RGS6: variants seen among roughly 807,000 people sequenced by gnomAD.
RGS6 encodes regulator of G protein signaling 6.
RGS6 carries 30 observed loss-of-function variants against 78.5 expected under a neutral mutation model. The ratio of observed to expected loss-of-function variants is 0.38; its 90% confidence interval spans 0.29 to 0.52. The LOEUF (loss-of-function observed/expected upper bound fraction) is 0.52, where lower values mean the gene tolerates loss of function less well. Ranked by LOEUF, RGS6 falls within the 20% of genes least tolerant of loss-of-function variation. The pLI is 0.85. For missense variants in RGS6, 495 were observed against 609.7 expected (o/e 0.81, Z 1.98); for synonymous variants, 206 against 206.0 (o/e 1.00, Z 0.00).
chr14:72,084,699 C>T (rs1220707614), intron 2 of RGS6, among the ~76,000 whole-genome samples: 1 of 151,672 alleles, frequency 6.6e-6, no homozygotes, highest in African/African-American at 2.4e-5. Context: ...GGTGAAATCT[C>T]TCAGGCCTGC....
chr14:72,126,683 C>T (rs1256512354), intron 2 of RGS6, among the ~76,000 whole-genome samples: 1 of 152,194 alleles, frequency 6.6e-6, no homozygotes, highest in Non-Finnish European at 1.5e-5. Context: ...TTGCATGTGG[C>T]TATCTTTACA....
chr14:71,889,795 G>A, the RGS6 span, among the ~76,000 whole-genome samples: 1 of 152,144 alleles, frequency 6.6e-6, no homozygotes, highest in Admixed American at 6.5e-5. Context: ...GATCTTGGGG[G>A]CAGGCGTCTC....
chr14:72,013,144 G>A (rs11844049), intron 2 of RGS6, among the ~76,000 whole-genome samples: 113,849 of 151,114 alleles, frequency 0.75, 43,874 homozygotes, highest in South Asian at 0.88. Flanking sequence ...GGTGGTACGT[G>A]CCTGTAATGC....
intron 14 of RGS6, among the ~76,000 whole-genome samples, chr14:72,512,736 G>A (rs576289082): frequency 7.9e-5 from 12 of 152,380 alleles, no homozygotes; most frequent in Admixed American, 1.3e-4. Context: ...GGGTGAGAGA[G>A]AAGCTCAGTC....
intron 2 of RGS6, among the ~76,000 whole-genome samples, chr14:72,104,759 G>C (rs2095599081): frequency 6.6e-6 from 1 of 152,142 alleles, no homozygotes; most frequent in African/African-American, 2.4e-5. Context: ...GTTTAACTTA[G>C]TGCTCTCAAA....
chr14:71,870,567 C>A, the RGS6 span, among the ~76,000 whole-genome samples: 2 of 152,148 alleles, frequency 1.3e-5, no homozygotes, highest in East Asian at 3.9e-4. Context: ...AGGAATGAGG[C>A]GTTTCCACAG....
At chr14:72,599,201 A>C in the RGS6 span, among the ~76,000 whole-genome samples, 5 of 152,082 alleles carry the variant, frequency 3.3e-5, no homozygotes, top group African/African-American at 1.2e-4. Context: ...AACACTACTC[A>C]GTAAAAGTGG....
At chr14:72,516,378 C>T (rs887257848) in intron 14 of RGS6, among the ~76,000 whole-genome samples, 1 of 152,174 alleles carries the variant, frequency 6.6e-6, no homozygotes, top group African/African-American at 2.4e-5. Flanking sequence ...CAAGGGCCCA[C>T]CTGAACAATG....
chr14:72,439,559 C>T (rs2153198703), intron 3 of RGS6, among the ~76,000 whole-genome samples: 1 of 152,340 alleles, frequency 6.6e-6, no homozygotes, highest in East Asian at 1.9e-4. Context: ...AAGCTTAGCT[C>T]TACAAGGCTA....
chr14:72,164,225 A>T (rs2096893450), intron 2 of RGS6, among the ~76,000 whole-genome samples: 1 of 152,178 alleles, frequency 6.6e-6, no homozygotes, highest in Non-Finnish European at 1.5e-5. Flanking sequence ...CTCAAGGAGA[A>T]CCCAGGAGAG....
Position 72,536,213 on chromosome 14 carries a change from G to T in RGS6, c.1306G>T (p.Asp436Tyr). 1 of 1,613,812 alleles carries T rather than the reference G, an allele frequency of 6.2e-7. No individual in the cohort carries two copies. Among genetic ancestry groups the T allele is most frequent in the South Asian group, 1.1e-5 (1 of 91,052 alleles). The change falls in exon 16 of 18, where the codon GAC (aspartate) becomes TAC (tyrosine). Residue 436 changes from aspartate to tyrosine, a missense_variant. Coordinates refer to ENST00000553525, the MANE Select transcript of RGS6 (RefSeq NM_001204424.2). ...GCACATCTACAAGCTGATGAAGAGT[G>T]ACAGCTATGCCCGCTTCCTCCGGTC... is the stretch of plus-strand genomic sequence containing the variant. ...QEHIYKLMKS[D>Y]SYARFLRSNA...
intron 2 of RGS6, among the ~76,000 whole-genome samples, chr14:71,981,406 G>C (rs1304218131): frequency 6.6e-6 from 1 of 152,142 alleles, no homozygotes. Flanking sequence ...TCTGCTTTTG[G>C]TGTTTGATGA....
In RGS6 at chr14:72,307,541, A is replaced by G. The variant is rs117876274; in HGVS notation, c.85-44554A>G. ...GACAATAATTCTTTTTTCCATTAAC[A>G]TACAATGTCATATTTATCAAATACT... On this transcript the variant is annotated intron_variant, in intron 2 of 17. Transcript: ENST00000553525. Among the ~76,000 whole-genome samples, 605 of 152,304 alleles carry G rather than the reference A, an allele frequency of 4.0e-3. 3 individuals are homozygous for G. The highest frequency in any genetic ancestry group is 7.6e-3 in the Non-Finnish European group (519 of 68,024).
At chr14:71,965,630 G>C (rs1007976661) in intron 2 of RGS6, among the ~76,000 whole-genome samples, 1 of 152,206 alleles carries the variant, frequency 6.6e-6, no homozygotes, top group Non-Finnish European at 1.5e-5. Context: ...CCAGATGTTA[G>C]TGTTGAATTA....
intron 3 of RGS6, among the ~76,000 whole-genome samples, chr14:72,352,445 C>A (rs781661322): frequency 3.3e-5 from 5 of 152,122 alleles, no homozygotes; most frequent in Non-Finnish European, 4.4e-5. Flanking sequence ...AATAAATAAA[C>A]CCATTAATAA....
At chr14:72,338,303 G>A (rs902435313) in intron 2 of RGS6, among the ~76,000 whole-genome samples, 3 of 152,204 alleles carry the variant, frequency 2.0e-5, no homozygotes, top group Non-Finnish European at 4.4e-5. Context: ...CACAATCATG[G>A]CAGAAGGCGA....
At chr14:72,047,826 A>C (rs2092963176) in intron 2 of RGS6, among the ~76,000 whole-genome samples, 1 of 151,422 alleles carries the variant, frequency 6.6e-6, no homozygotes, top group Non-Finnish European at 1.5e-5. Context: ...CCCGAGTTCA[A>C]GTGATTCTCA....
At chr14:72,377,030 G>A (rs760059470) in intron 3 of RGS6, among the ~76,000 whole-genome samples, 4 of 152,038 alleles carry the variant, frequency 2.6e-5, no homozygotes, top group East Asian at 1.9e-4. Context: ...AAAAGAAATC[G>A]ATAGGATGAT....
intron 17 of RGS6, chr14:72,547,201 G>A: frequency 1.3e-6 from 2 of 1,535,392 alleles, no homozygotes; most frequent in Non-Finnish European, 1.7e-6. Context: ...CAGCACCGCA[G>A]CAGAGGGGGC....
Sources: allele counts gnomAD v4.1 joint callset (sites outside exome capture counted in the v4.1 genomes callset), GRCh38; gene constraint gnomAD v4.1.1; transcripts MANE v1.5; gene names NCBI Gene and HGNC (gene_info 2026-07-23, HGNC 2026-07-21).